Variants in ADGRV1 observed in about 807,000 individuals in gnomAD.
ADGRV1 encodes G-protein coupled receptor 98.
ADGRV1 carries 359 observed loss-of-function variants against 596.2 expected under a neutral mutation model. The ratio of observed to expected loss-of-function variants is 0.60; its 90% CI spans 0.55 to 0.66. The LOEUF is 0.66. ADGRV1 is among the 30% of genes least tolerant of loss of function. ADGRV1 has a pLI of 0.00. For synonymous variants in ADGRV1, 2,681 were observed against 2,679.2 expected, an observed-to-expected ratio of 1.00 and a Z score of -0.02; for missense variants, 7,274 against 7,575.6, an observed-to-expected ratio of 0.96 and a Z score of 1.48.
intron 83 of ADGRV1, among the ~76,000 whole-genome samples, chr5:90,865,568 A>C (rs796166260): frequency 6.6e-6 from 1 of 152,172 alleles, no homozygotes; most frequent in Non-Finnish European, 1.5e-5. Flanking sequence ...TTTAGAATAC[A>C]TGAAACAATG....
At chr5:90,576,373 C>G (rs545399705) in intron 1 of ADGRV1, among the ~76,000 whole-genome samples, 1 of 149,596 alleles carries the variant, frequency 6.7e-6, no homozygotes, top group Non-Finnish European at 1.5e-5. Context: ...GTTTGGTTTT[C>G]TGTTGTTGTG....
intron 74 of ADGRV1, among the ~76,000 whole-genome samples, chr5:90,813,132 C>CAAAAAAAAAAA (rs5869522): frequency 0.031 from 1,099 of 34,906 alleles, 288 homozygotes; most frequent in East Asian, 0.071. Flanking sequence ...GACTCCGTCT[C>CAAAAAAAAAAA]AAAAAAAAAA....
intron 83 of ADGRV1, among the ~76,000 whole-genome samples, chr5:90,953,804 A>G (rs367861244): frequency 6.4e-4 from 98 of 152,232 alleles, no homozygotes; most frequent in African/African-American, 2.1e-3. Flanking sequence ...TAATTCTTAA[A>G]GGGGAAATGG....
intron 83 of ADGRV1, among the ~76,000 whole-genome samples, chr5:90,941,323 G>A (rs1205797646): frequency 7.2e-5 from 11 of 152,042 alleles, no homozygotes. Context: ...TTAAGTAAAG[G>A]CAGTCAAATT....
At chr5:90,797,246 A>G (rs1246292775) in intron 70 of ADGRV1, among the ~76,000 whole-genome samples, 1 of 150,248 alleles carries the variant, frequency 6.7e-6, no homozygotes, top group Non-Finnish European at 1.5e-5. Context: ...CATAGGCTCA[A>G]TATAAAGGGA....
Position 90,629,232 on chromosome 5 carries a change from G to A in ADGRV1, c.1532G>A (p.Ser511Asn), listed in dbSNP as rs1765181804. Residue 511 changes from serine (S) to asparagine (N), a missense_variant, in exon 9 of 90, where the codon AGT becomes AAT. Ser to Asn is a conservative substitution (Grantham distance 46). Around this residue, in one of 5 missense-constraint regions of ADGRV1, gnomAD observed 1,715 missense variants for 1,708.8 expected, o/e 1.00. Transcript: ENST00000405460. ...CAGCTTTTGTTCTACATTCAGGATAGTGATGATGTCTATGGCCTAATAACA... is the reference window on the plus strand; with the variant it reads ...CAGCTTTTGTTCTACATTCAGGATAATGATGATGTCTATGGCCTAATAACA... ...PAELLFYIQD[S>N]DDVYGLITFF... 2.5e-6 allele frequency: 4 copies of A among 1,598,338 alleles called. No homozygotes were observed. The highest frequency in any genetic ancestry group is 3.4e-6 in the Non-Finnish European group (4 of 1,172,328).
rs199990205 is a variant in ADGRV1 at position 90,763,375 on chromosome 5, C to T, written c.12191C>T (p.Pro4064Leu). Residue 4064 changes from proline (P) to leucine (L), a missense_variant, in exon 59 of 90, where the codon CCA becomes CTA. Coordinates refer to ENST00000405460, the MANE Select transcript of ADGRV1 (RefSeq NM_032119.4). The stretch of plus-strand genomic sequence containing the variant: ...GTGACATTGACGGTTGTCCGGTCCC[C>T]AGGAGGAAAAGGAACCGTCCGACTT... ...SYVTLTVVRSPGGKGTVRLEW... is the reference protein window; with the variant it reads ...SYVTLTVVRSLGGKGTVRLEW... 14 of 1,613,114 alleles carry T rather than the reference C, an allele frequency of 8.7e-6. No individual in the cohort carries two copies. The highest frequency in any genetic ancestry group is 2.2e-5 in the East Asian group (1 of 44,836).
At position 90,732,315 on chromosome 5, in the gene ADGRV1, C is replaced by CT. The variant is rs557425363; in HGVS notation, c.10549+2557dup. On this transcript the variant is annotated intron_variant, in intron 50 of 89. Transcript: ENST00000405460. ...CCAACTGATTCTCCTAATTAATTAACTTTTTTCCATCTTTATTAAGGCTTG... is the reference window on the plus strand; with the variant it reads ...CCAACTGATTCTCCTAATTAATTAACTTTTTTTCCATCTTTATTAAGGCTTG... 2.5e-3 allele frequency among the ~76,000 whole-genome samples: 379 copies of CT among 152,198 alleles called. 3 individuals carry two copies. Among genetic ancestry groups the CT allele is most frequent in the African/African-American group, 8.6e-3 (355 of 41,506 alleles).
intron 42 of ADGRV1, among the ~76,000 whole-genome samples, chr5:90,715,061 C>G (rs1360962973): frequency 3.3e-5 from 5 of 152,120 alleles, no homozygotes; most frequent in Non-Finnish European, 7.4e-5. Flanking sequence ...ATTGAGTTTT[C>G]CAATTTAGAA....
intron 46 of ADGRV1, 21 bp downstream of exon 46, chr5:90,725,010 A>G: frequency 6.4e-7 from 1 of 1,568,990 alleles, no homozygotes; most frequent in South Asian, 1.2e-5. Context: ...GTATTTTTTT[A>G]TAGTACAAAA....
chr5:91,050,950 C>T (rs991361802), intron 85 of ADGRV1, among the ~76,000 whole-genome samples: 3 of 152,196 alleles, frequency 2.0e-5, no homozygotes, highest in Non-Finnish European at 2.9e-5. Flanking sequence ...TTTGCAGCTG[C>T]GGTTGTTCAC....
At chr5:91,004,677 A>C (rs116060112) in intron 85 of ADGRV1, among the ~76,000 whole-genome samples, 1,677 of 152,354 alleles carry the variant, frequency 0.011, 31 homozygotes, top group African/African-American at 0.038. Flanking sequence ...TTGCTTTAAT[A>C]AATGTACCTA....
At chr5:90,789,950 G>C in intron 69 of ADGRV1, 99 bp downstream of exon 69, 1 of 874,176 alleles carries the variant, frequency 1.1e-6, no homozygotes, top group Non-Finnish European at 1.6e-6. Context: ...TAAAGTTTTT[G>C]ATAAACTAAA....
At chr5:90,715,145 G>A (rs980806319) in intron 42 of ADGRV1, among the ~76,000 whole-genome samples, 2 of 152,196 alleles carry the variant, frequency 1.3e-5, no homozygotes, top group Non-Finnish European at 2.9e-5. Flanking sequence ...AAACCAAACT[G>A]TAAGACAAGG....
In ADGRV1 at chr5:90,778,936, G is replaced by T; in HGVS notation, c.12921G>T (p.Gly4307=). The change falls in exon 64 of 90, where the codon GGG becomes GGT. Residue 4307 remains glycine (G), a synonymous_variant. Transcript: ENST00000405460. ...GACTCTGGTACAAGACGATGAGCGG[G>T]ACAGCGGAAGCAGGCTTGGATTTTG... ...HVRLWYKTMS[G]TAEAGLDFVP... 1 of 1,613,494 alleles carries T rather than the reference G, an allele frequency of 6.2e-7. No homozygotes were observed. The highest frequency in any genetic ancestry group is 1.1e-5 in the South Asian group (1 of 91,066).
intron 52 of ADGRV1, 36 bp from the exon 53 acceptor site, chr5:90,750,515 A>G (rs758127123): frequency 1.3e-5 from 20 of 1,554,410 alleles, no homozygotes; most frequent in East Asian, 2.3e-5. Flanking sequence ...AGGTAATTTC[A>G]GGGAACCCCT....
chr5:91,095,136 C>G (rs1269519919), intron 86 of ADGRV1, among the ~76,000 whole-genome samples: 1 of 151,984 alleles, frequency 6.6e-6, no homozygotes, highest in Non-Finnish European at 1.5e-5. Context: ...GAACTAATGA[C>G]TAAGGGTTAG....
At chr5:90,946,766 C>A (rs186022898) in intron 83 of ADGRV1, among the ~76,000 whole-genome samples, 1 of 152,236 alleles carries the variant, frequency 6.6e-6, no homozygotes, top group Admixed American at 6.5e-5. Context: ...CTTCTAGCTA[C>A]ATCCATGTCC....
Position 90,829,276 on chromosome 5 carries a change from A to C in ADGRV1, c.16611+90A>C, listed in dbSNP as rs556840432. The stretch of plus-strand genomic sequence containing the variant: ...TGACATAGGGAATAATTGATACATT[A>C]TTTTCTGAGGATAACATCGTAATTC... On this transcript the variant is annotated intron_variant, in intron 77 of 89. Coordinates refer to ENST00000405460, the MANE Select transcript of ADGRV1 (RefSeq NM_032119.4). 20 of 1,083,930 alleles carry C rather than the reference A, an allele frequency of 1.8e-5. 1 individual carries two copies. In the South Asian group the frequency reaches 4.9e-4, roughly 26 times the overall value. 67.1% of individuals were successfully genotyped at this position (1,083,930 alleles called of 1,614,324 possible). A position where few individuals can be genotyped will look rare whatever the true frequency, so the allele number is the denominator to read the frequency against.
Sources: gnomAD v4.1 joint callset for allele counts (sites outside exome capture counted in the v4.1 genomes callset) on GRCh38, gnomAD v4.1.1 for gene constraint, gnomAD v4.1.1 regional missense constraint, MANE v1.5 for transcripts, NCBI Gene and HGNC (gene_info 2026-07-23, HGNC 2026-07-21) for gene names.